ARID2: variants seen among roughly 807,000 people sequenced by gnomAD.
ARID2 encodes the protein AT-rich interaction domain 2.
ARID2 carries 32 observed loss-of-function variants against 184.6 expected under a neutral mutation model. The ratio of observed to expected loss-of-function variants is 0.17; its 90% CI spans 0.13 to 0.23. The LOEUF (loss-of-function observed/expected upper bound fraction) is 0.23. Ranked by LOEUF, ARID2 falls within the 10% of genes least tolerant of loss-of-function variation. ARID2 has a pLI of 1.00. For missense variants in ARID2, 1,696 were observed against 2,197.6 expected (o/e 0.77, Z 4.56); for synonymous variants, 836 against 772.6 (o/e 1.08, Z -1.36).
chr12:45,735,806 A>G (rs1412685823), intron 3 of ARID2, among the ~76,000 whole-genome samples: 12 of 152,200 alleles, frequency 7.9e-5, no homozygotes, highest in Admixed American at 7.2e-4. Context: ...AAATTGCCCA[A>G]AGTAGAAATA....
At chr12:45,806,156 A>G (rs1211353296) in intron 3 of ARID2, among the ~76,000 whole-genome samples, 8 of 151,882 alleles carry the variant, frequency 5.3e-5, no homozygotes, top group Admixed American at 1.3e-4. Flanking sequence ...TCTTCTGGCA[A>G]TTAATTTTTG....
chr12:45,760,587 T>C (rs998576690), intron 3 of ARID2, among the ~76,000 whole-genome samples: 5 of 152,154 alleles, frequency 3.3e-5, no homozygotes, highest in African/African-American at 1.2e-4. Context: ...ACATTGAGAC[T>C]GTATATATGT....
intron 3 of ARID2, among the ~76,000 whole-genome samples, chr12:45,731,521 C>A (rs1940998606): frequency 6.6e-6 from 1 of 152,156 alleles, no homozygotes; most frequent in Non-Finnish European, 1.5e-5. Context: ...TTACATTTTT[C>A]ATACAAAATC....
intron 3 of ARID2, among the ~76,000 whole-genome samples, chr12:45,783,926 T>C (rs908304239): frequency 3.3e-5 from 5 of 152,338 alleles, no homozygotes; most frequent in Admixed American, 2.6e-4. Flanking sequence ...GGAAAACTAT[T>C]GGACCTAATG....
intron 18 of ARID2, 115 bp from the exon 19 acceptor site, chr12:45,893,305 G>A (rs2136461706): frequency 7.6e-7 from 1 of 1,309,596 alleles, no homozygotes; most frequent in South Asian, 1.7e-5. Flanking sequence ...TAGTCACCCT[G>A]TAAACACGAT....
chr12:45,893,854 T>C, intron 20 of ARID2, 133 bp downstream of exon 20: 1 of 744,268 alleles, frequency 1.3e-6, no homozygotes, highest in Non-Finnish European at 2.0e-6. Flanking sequence ...CAAAAGTTTA[T>C]GCCTAGGTCA....
At chr12:45,766,044 A>G (rs1055837785) in intron 3 of ARID2, among the ~76,000 whole-genome samples, 1 of 152,174 alleles carries the variant, frequency 6.6e-6, no homozygotes, top group Non-Finnish European at 1.5e-5. Context: ...TTGATACACC[A>G]TAATTTGTTT....
In ARID2 at chr12:45,811,460, T is replaced by G. The variant is rs1942707563; in HGVS notation, c.327T>G (p.Asp109Glu). 5.6e-6 allele frequency: 9 copies of G among 1,613,532 alleles called. No homozygotes were observed. The highest frequency in any genetic ancestry group is 6.8e-6 in the Non-Finnish European group (8 of 1,179,596). ...KYEKVHHFGE[D>E]DDEVPPGNPK... ...AGAAAGTTCATCATTTTGGGGAGGA[T>G]GATGATGAGGTACCACCAGGCAATC... The change falls in exon 4 of 21, where the codon GAT becomes GAG. Residue 109 changes from aspartate to glutamate, a missense_variant. Coordinates refer to ENST00000334344, the MANE Select transcript of ARID2 (RefSeq NM_152641.4).
At chr12:45,880,712 A>G (rs1944086576) in intron 16 of ARID2, among the ~76,000 whole-genome samples, 1 of 152,224 alleles carries the variant, frequency 6.6e-6, no homozygotes, top group Non-Finnish European at 1.5e-5. Flanking sequence ...GATGTTATTT[A>G]TACATGCTGA....
intron 16 of ARID2, among the ~76,000 whole-genome samples, chr12:45,872,084 A>G (rs1428018988): frequency 2.0e-5 from 3 of 151,482 alleles, no homozygotes; most frequent in Non-Finnish European, 4.4e-5. Context: ...GGTTTTGTTA[A>G]ATTTTTTTCT....
chr12:45,815,647 TA>T (rs1348177574), intron 4 of ARID2, among the ~76,000 whole-genome samples: 1 of 152,128 alleles, frequency 6.6e-6, no homozygotes, highest in Non-Finnish European at 1.5e-5. Flanking sequence ...AATATTCAGA[TA>T]TTTCCGAAAT....
At chr12:45,795,087 T>C (rs1942365073) in intron 3 of ARID2, among the ~76,000 whole-genome samples, 1 of 152,088 alleles carries the variant, frequency 6.6e-6, no homozygotes, top group African/African-American at 2.4e-5. Flanking sequence ...GAAGAGTTCT[T>C]AGATTATTCA....
chr12:45,851,996 A>C lies in ARID2; in HGVS notation c.3873A>C (p.Gly1291=), dbSNP rs765662714. ...GDTKENEMHV[G]SLLNGRKYSD... is the part of the protein sequence containing the mutation. ...CAAAGGAAAATGAAATGCATGTGGG[A>C]AGTCTTTTAAATGGGAGAAAGTACA... Residue 1291 remains glycine, a synonymous_variant, in exon 15 of 21, where the codon GGA becomes GGC. Transcript: ENST00000334344. The C allele has an allele frequency of 2.0e-5, 32 of 1,614,044 alleles. No homozygotes were observed. The highest frequency in any genetic ancestry group is 2.7e-5 in the Non-Finnish European group (32 of 1,180,012).
At chr12:45,876,915 T>A (rs1400169815) in intron 16 of ARID2, among the ~76,000 whole-genome samples, 3 of 150,336 alleles carry the variant, frequency 2.0e-5, no homozygotes, top group African/African-American at 7.3e-5. Context: ...CAGTGAAAAC[T>A]CATCTCTACT....
intron 3 of ARID2, among the ~76,000 whole-genome samples, chr12:45,739,438 C>CTTTTTTTTTTT (rs71067906): frequency 3.3e-5 from 3 of 90,780 alleles, no homozygotes; most frequent in African/African-American, 4.5e-5. Flanking sequence ...TATAAAGTTA[C>CTTTTTTTTTTT]TTTTTTTTTT....
intron 3 of ARID2, among the ~76,000 whole-genome samples, chr12:45,778,862 CTG>C (rs1942035786): frequency 1.3e-5 from 2 of 152,014 alleles, no homozygotes; most frequent in Admixed American, 6.5e-5. Context: ...CTGGAAGAAA[CTG>C]TAAATCCCAT....
At chr12:45,892,478 TC>T (rs1944313267) in intron 18 of ARID2, among the ~76,000 whole-genome samples, 3 of 96,450 alleles carry the variant, frequency 3.1e-5, no homozygotes, top group South Asian at 2.8e-4. Context: ...CTTGTCATTA[TC>T]ATATATATAT....
At chr12:45,832,292 C>G (rs1364740910) in intron 6 of ARID2, among the ~76,000 whole-genome samples, 1 of 152,116 alleles carries the variant, frequency 6.6e-6, no homozygotes, top group Admixed American at 6.6e-5. Context: ...TAGACTCTCA[C>G]TACTTTTAAT....
At chr12:45,870,854 G>T (rs1036525536) in intron 16 of ARID2, among the ~76,000 whole-genome samples, 2 of 151,898 alleles carry the variant, frequency 1.3e-5, no homozygotes, top group South Asian at 2.1e-4. Flanking sequence ...TTATCCATTC[G>T]TCTATTGAAC....
Sources: allele counts gnomAD v4.1 joint callset (sites outside exome capture counted in the v4.1 genomes callset), GRCh38; gene constraint gnomAD v4.1.1; transcripts MANE v1.5; gene names NCBI Gene and HGNC (gene_info 2026-07-23, HGNC 2026-07-21).